The following PRKG1 variants were observed in gnomAD, a reference collection of about 807,000 sequenced individuals.
PRKG1 encodes the protein cGMP-dependent protein kinase 1.
In PRKG1, 35 loss-of-function variants were observed where a neutral mutation model predicts 88.1. The ratio of observed to expected loss-of-function variants is 0.40; its 90% CI spans 0.30 to 0.53. The LOEUF is 0.53. Among genes scored for constraint, PRKG1 ranks in the 20% least tolerant of loss-of-function variants. The pLI, the probability that PRKG1 is intolerant of heterozygous loss-of-function variation, is 0.59. For missense variants in PRKG1, 540 were observed against 839.8 expected (o/e 0.64, Z 4.41); for synonymous variants, 303 against 292.5 (o/e 1.04, Z -0.37).
chr10:52,035,225 A>T (rs1455859762), intron 5 of PRKG1, among the ~76,000 whole-genome samples: 1 of 152,046 alleles, frequency 6.6e-6, no homozygotes, highest in Non-Finnish European at 1.5e-5. Context: ...ATCTACCTAG[A>T]CTAAGAGGTA....
chr10:51,040,410 C>A (rs1054789073), intron 1 of PRKG1, among the ~76,000 whole-genome samples: 4 of 144,320 alleles, frequency 2.8e-5, no homozygotes, highest in Admixed American at 7.5e-5. Context: ...TCTCCGCCTT[C>A]CGGGCTCAAG....
At chr10:51,566,321 TG>T (rs1407465321) in intron 3 of PRKG1, among the ~76,000 whole-genome samples, 3 of 152,192 alleles carry the variant, frequency 2.0e-5, no homozygotes, top group East Asian at 3.9e-4. Flanking sequence ...GCAAGTTAAA[TG>T]GGCCTGCAGC....
At chr10:51,878,588 A>G (rs1027460749) in intron 4 of PRKG1, among the ~76,000 whole-genome samples, 23 of 152,182 alleles carry the variant, frequency 1.5e-4, no homozygotes, top group Admixed American at 2.0e-4. Flanking sequence ...GGTCTATGTA[A>G]TCATCTTTCT....
chr10:51,341,618 A>G (rs539661887), intron 2 of PRKG1, among the ~76,000 whole-genome samples: 1 of 152,286 alleles, frequency 6.6e-6, no homozygotes, highest in East Asian at 1.9e-4. Context: ...TTGTGATTTA[A>G]TGTGGTACAT....
At chr10:52,157,893 C>T (rs1032884149) in intron 8 of PRKG1, among the ~76,000 whole-genome samples, 8 of 151,612 alleles carry the variant, frequency 5.3e-5, no homozygotes, top group African/African-American at 1.9e-4. Flanking sequence ...CATTTGCTCT[C>T]TTTCAATATC....
intron 4 of PRKG1, among the ~76,000 whole-genome samples, chr10:51,865,363 TACA>T (rs1840987036): frequency 6.6e-6 from 1 of 152,076 alleles, no homozygotes; most frequent in African/African-American, 2.4e-5. Flanking sequence ...AGGTATAATT[TACA>T]ACAAGGCATT....
intron 7 of PRKG1, among the ~76,000 whole-genome samples, chr10:52,102,210 A>G (rs1847310147): frequency 6.6e-6 from 1 of 152,104 alleles, no homozygotes; most frequent in Non-Finnish European, 1.5e-5. Flanking sequence ...TTTACATTGG[A>G]CAATGCCCCT....
intron 2 of PRKG1, among the ~76,000 whole-genome samples, chr10:51,395,127 T>C (rs981808302): frequency 1.6e-4 from 25 of 152,196 alleles, no homozygotes; most frequent in African/African-American, 5.8e-4. Flanking sequence ...GAGAGAGTAG[T>C]CAAGAGCAAA....
intron 3 of PRKG1, among the ~76,000 whole-genome samples, chr10:51,579,008 T>TTTTTTTTTTTTTTTG: frequency 7.0e-6 from 1 of 143,534 alleles, no homozygotes; most frequent in Admixed American, 7.1e-5. Flanking sequence ...TTTTTTTTTT[T>TTTTTTTTTTTTTTTG]AGACAGAGTC....
At chr10:51,206,168 A>G (rs1838053833) in intron 2 of PRKG1, among the ~76,000 whole-genome samples, 2 of 151,988 alleles carry the variant, frequency 1.3e-5, no homozygotes, top group Admixed American at 6.6e-5. Context: ...CACATCATAA[A>G]CTGTGAGGGG....
At chr10:52,081,910 G>A (rs1846785446) in intron 7 of PRKG1, among the ~76,000 whole-genome samples, 2 of 152,022 alleles carry the variant, frequency 1.3e-5, no homozygotes, top group Admixed American at 6.6e-5. Flanking sequence ...TGATATTGTG[G>A]ATAAACTGAC....
intron 3 of PRKG1, among the ~76,000 whole-genome samples, chr10:51,643,646 G>A (rs1839851550): frequency 6.6e-6 from 1 of 152,050 alleles, no homozygotes; most frequent in Admixed American, 6.6e-5. Context: ...CTGAGTGCTT[G>A]GATTAATAAA....
intron 9 of PRKG1, among the ~76,000 whole-genome samples, chr10:52,205,545 C>G (rs1839797139): frequency 6.6e-6 from 1 of 152,008 alleles, no homozygotes; most frequent in South Asian, 2.1e-4. Context: ...TTTTTGGTGG[C>G]TGGTAATGGT....
intron 3 of PRKG1, among the ~76,000 whole-genome samples, chr10:51,671,566 CTCT>C (rs1291742543): frequency 2.6e-5 from 4 of 151,368 alleles, no homozygotes; most frequent in Admixed American, 6.6e-5. Flanking sequence ...GTCTCAGTGC[CTCT>C]TCTTCTCTCT....
chr10:51,660,130 TA>T (rs36010118), intron 3 of PRKG1, among the ~76,000 whole-genome samples: 41,358 of 135,598 alleles, frequency 0.31, 6,135 homozygotes, highest in Admixed American at 0.38. Flanking sequence ...GGAAGGGAAT[TA>T]AAAAAAAAAA....
Position 52,288,973 on chromosome 10 carries a change from A to T in PRKG1, c.1875A>T (p.Val625=). 6.2e-7 allele frequency: 1 copy of T among 1,609,526 alleles called. No individual in the cohort carries two copies. The highest frequency in any genetic ancestry group is 1.1e-5 in the South Asian group (1 of 90,324). Reference sequence around the variant, plus strand: ...GATTAGGGAATTTGAAAAATGGAGTAAAAGACATTCAAAAGCACAAGTAAG... The same window carrying T: ...GATTAGGGAATTTGAAAAATGGAGTTAAAGACATTCAAAAGCACAAGTAAG... ...SERLGNLKNG[V]KDIQKHKWFE... Residue 625 remains valine (V), a synonymous_variant, in exon 16 of 18, where the codon GTA becomes GTT. Transcript: ENST00000373980.
At chr10:51,727,072 C>A (rs1224098152) in intron 3 of PRKG1, among the ~76,000 whole-genome samples, 4 of 152,048 alleles carry the variant, frequency 2.6e-5, no homozygotes, top group Non-Finnish European at 5.9e-5. Context: ...AGCCACCGCA[C>A]CTGGCCTAGT....
At chr10:51,007,023 C>T (rs1282221115) in intron 1 of PRKG1, among the ~76,000 whole-genome samples, 1 of 146,730 alleles carries the variant, frequency 6.8e-6, no homozygotes, top group Non-Finnish European at 1.5e-5. Flanking sequence ...ACTGCAACTT[C>T]TGCCACCCTG....
intron 2 of PRKG1, among the ~76,000 whole-genome samples, chr10:51,394,636 C>A (rs1402205729): frequency 6.6e-6 from 1 of 152,174 alleles, no homozygotes; most frequent in African/African-American, 2.4e-5. Flanking sequence ...CCACCTTAGA[C>A]CAAAGAGTCA....
Sources: gnomAD v4.1 joint callset for allele counts (sites outside exome capture counted in the v4.1 genomes callset) on GRCh38, gnomAD v4.1.1 for gene constraint, MANE v1.5 for transcripts, NCBI Gene and HGNC (gene_info 2026-07-23, HGNC 2026-07-21) for gene names.